ASPH: variants seen among roughly 807,000 people sequenced by gnomAD.
ASPH encodes aspartyl/asparaginyl beta-hydroxylase.
A neutral mutation model predicts 118.4 loss-of-function variants in ASPH; 100 were observed. The observed-to-expected ratio is 0.84, with a 90% CI of 0.72 to 1.00. The LOEUF (loss-of-function observed/expected upper bound fraction) is 1.00, where lower values mean the gene tolerates loss of function less well. Ranked by LOEUF, ASPH falls within the 50% of genes least tolerant of loss-of-function variation. The pLI, the probability that ASPH is intolerant of heterozygous loss-of-function variation, is 0.00. For synonymous variants in ASPH, 315 were observed against 325.6 expected (o/e 0.97, Z 0.35); for missense variants, 920 against 919.5 (o/e 1.00, Z -0.01).
chr8:61,669,140 T>G (rs185968847), intron 3 of ASPH, among the ~76,000 whole-genome samples: 156 of 152,314 alleles, frequency 1.0e-3, no homozygotes, highest in Admixed American at 1.9e-3. Flanking sequence ...GTCTAAGGTG[T>G]GGTCACAAGA....
chr8:61,710,257 G>T (rs1241610136), intron 1 of ASPH, among the ~76,000 whole-genome samples: 1 of 152,156 alleles, frequency 6.6e-6, no homozygotes, highest in Non-Finnish European at 1.5e-5. Flanking sequence ...TATGATCCAG[G>T]TCATCATATT....
intron 3 of ASPH, chr8:61,663,697 A>G: frequency 3.1e-6 from 3 of 979,800 alleles, no homozygotes; most frequent in Non-Finnish European, 2.4e-6. Flanking sequence ...TTATCAGGTT[A>G]CAATATCTTC....
intron 3 of ASPH, 95 bp from the exon 4 acceptor site, chr8:61,653,755 T>G: frequency 1.7e-6 from 2 of 1,201,944 alleles, no homozygotes; most frequent in Non-Finnish European, 2.3e-6. Context: ...ATTTAATTAA[T>G]AGTGCTGCTA....
chr8:61,665,115 G>T, intron 3 of ASPH: 1 of 1,437,266 alleles, frequency 7.0e-7, no homozygotes, highest in East Asian at 2.5e-5. Context: ...TAATTTACTT[G>T]CTAAGCACCA....
intron 21 of ASPH, among the ~76,000 whole-genome samples, chr8:61,527,457 G>C (rs1363908912): frequency 2.6e-5 from 4 of 152,136 alleles, no homozygotes; most frequent in Admixed American, 2.0e-4. Context: ...GCCAAACAAG[G>C]GAATACTTTT....
chr8:61,610,718 C>T (rs1230978574), intron 14 of ASPH, among the ~76,000 whole-genome samples: 4 of 152,214 alleles, frequency 2.6e-5, no homozygotes, highest in African/African-American at 4.8e-5. Flanking sequence ...GGAAAAATTA[C>T]TAGGCATAGT....
At position 61,672,523 on chromosome 8, in the gene ASPH, TA is replaced by T. The variant is rs111934417; in HGVS notation, c.322+8444del. Among the ~76,000 whole-genome samples the T allele has an allele frequency of 2.7e-3, 395 of 147,570 alleles. 2 individuals carry two copies. The highest frequency in any genetic ancestry group is 6.0e-3 in the African/African-American group (244 of 40,464). Reference sequence around the variant, plus strand: ...ACCACTTATTTAAACCAGTTTTTTTTAAAAAAAAAAAACTCAGTATTTTATT... The same window carrying T: ...ACCACTTATTTAAACCAGTTTTTTTTAAAAAAAAAAACTCAGTATTTTATT... On this transcript the variant is annotated intron_variant, in intron 3 of 24. Transcript: ENST00000379454.
At chr8:61,623,229 C>G (rs1036181964) in intron 13 of ASPH, among the ~76,000 whole-genome samples, 37 of 152,316 alleles carry the variant, frequency 2.4e-4, no homozygotes, top group African/African-American at 7.9e-4. Flanking sequence ...TTACTGCTGT[C>G]TTTTGATAAA....
chr8:61,504,926 A>G (rs1350510502), intron 24 of ASPH, among the ~76,000 whole-genome samples: 1 of 152,110 alleles, frequency 6.6e-6, no homozygotes, highest in African/African-American at 2.4e-5. Flanking sequence ...CTGAACCTCT[A>G]CTTCTACTAC....
At chr8:61,588,796 A>G (rs536429111) in intron 14 of ASPH, among the ~76,000 whole-genome samples, 1 of 152,344 alleles carries the variant, frequency 6.6e-6, no homozygotes, top group African/African-American at 2.4e-5. Flanking sequence ...ATAAATCATG[A>G]AGACGTACAC....
Position 61,644,622 on chromosome 8 carries a change from A to G in ASPH, c.630T>C (p.His210=). The change falls in exon 7 of 25, where the codon CAT becomes CAC. Residue 210 remains histidine (H), a synonymous_variant. Coordinates refer to ENST00000379454, the MANE Select transcript of ASPH (RefSeq NM_004318.4). ...EPEVSHEETE[H]SYHVEETVSQ... Reference sequence around the variant, plus strand: ...CACCTGTCTCTTCCACGTGGTAACTATGCTCGGTTTCTGGAAAAAAAAAAA... The same window carrying G: ...CACCTGTCTCTTCCACGTGGTAACTGTGCTCGGTTTCTGGAAAAAAAAAAA... 6.3e-7 allele frequency: 1 copy of G among 1,588,146 alleles called. No individual in the cohort carries two copies.
chr8:61,503,149 T>A lies in ASPH; in HGVS notation c.*210A>T, dbSNP rs1041252951. The stretch of plus-strand genomic sequence containing the variant: ...GCAGAAGACCAGTGCTGTCATGAGA[T>A]GACACACAGCAGGGTGTTTCCTAAA... On this transcript the variant is annotated 3_prime_UTR_variant, in exon 25 of 25. Transcript: ENST00000379454. 7 of 430,894 alleles carry A rather than the reference T, an allele frequency of 1.6e-5. No individual in the cohort carries two copies. Among genetic ancestry groups the A allele is most frequent in the Non-Finnish European group, 2.4e-5 (6 of 253,172 alleles). 26.7% of individuals were successfully genotyped at this position (430,894 alleles called of 1,614,324 possible).
At chr8:61,568,390 A>G (rs1313786796) in intron 16 of ASPH, among the ~76,000 whole-genome samples, 2 of 152,200 alleles carry the variant, frequency 1.3e-5, no homozygotes, top group Admixed American at 6.5e-5. Flanking sequence ...AGGGGGAGAG[A>G]GAAAAACCAT....
intron 1 of ASPH, among the ~76,000 whole-genome samples, chr8:61,709,303 C>T (rs991468190): frequency 4.6e-5 from 7 of 152,016 alleles, no homozygotes; most frequent in African/African-American, 1.2e-4. Flanking sequence ...AAGAAAATAC[C>T]ATCTTGGCTC....
At position 61,576,595 on chromosome 8, in the gene ASPH, T is replaced by A. The variant is rs992919719; in HGVS notation, c.1149+177A>T. 1.4e-5 allele frequency: 7 copies of A among 509,010 alleles called. No individual in the cohort carries two copies. The Admixed American group carries it at 1.4e-4, about 10-fold the overall frequency. The allele number at this position is 509,010 out of a possible 1,614,324, so 31.5% of individuals were successfully genotyped here. A position where few individuals can be genotyped will look rare whatever the true frequency, so the allele number is the denominator to read the frequency against. ...CATATGGAGGGGGAGCAGAAAAAAA[T>A]GTTACTAAATTCAGCAGCATGCAAT... On this transcript the variant is annotated intron_variant, in intron 16 of 24. Transcript: ENST00000379454.
chr8:61,511,577 C>T (rs769514100), intron 24 of ASPH, among the ~76,000 whole-genome samples: 2 of 152,182 alleles, frequency 1.3e-5, no homozygotes, highest in African/African-American at 4.8e-5. Flanking sequence ...CTCAGGTTTA[C>T]TCAGCTCCGG....
At chr8:61,579,305 G>T in intron 15 of ASPH, 2 of 1,614,124 alleles carry the variant, frequency 1.2e-6, no homozygotes, top group Non-Finnish European at 1.7e-6. Flanking sequence ...CCCTGCAGCG[G>T]GCCAAGCAGG....
Position 61,638,349 on chromosome 8 carries a change from G to A in ASPH, c.805C>T (p.Leu269=), listed in dbSNP as rs757450321. 19 of 1,591,352 alleles carry A rather than the reference G, an allele frequency of 1.2e-5. No individual in the cohort carries two copies. The African/African-American group carries it at 2.3e-4, about 20-fold the overall frequency. Residue 269 remains leucine, a synonymous_variant, in exon 11 of 25, where the codon CTA becomes TTA. Coordinates refer to ENST00000379454, the MANE Select transcript of ASPH (RefSeq NM_004318.4). ...VYEEQAVYEP[L]ENEGIEITEV... ...GTGATTTCTATCCCTTCATTTTCTA[G>A]AGGTTCATATACTGCTAAAAAAAAA...
intron 14 of ASPH, among the ~76,000 whole-genome samples, chr8:61,612,609 T>TA (rs1157711394): frequency 6.6e-6 from 1 of 152,030 alleles, no homozygotes; most frequent in African/African-American, 2.4e-5. Context: ...TGACCTCAGG[T>TA]AATCCACCCA....
Sources: gnomAD v4.1 joint callset for allele counts (sites outside exome capture counted in the v4.1 genomes callset) on GRCh38, gnomAD v4.1.1 for gene constraint, MANE v1.5 for transcripts, NCBI Gene and HGNC (gene_info 2026-07-23, HGNC 2026-07-21) for gene names.